Variants in FRMD5 observed in about 807,000 individuals in gnomAD.
The protein encoded by FRMD5 is FERM domain-containing protein 5.
Under a neutral mutation model 69.0 loss-of-function variants are expected in FRMD5, and 20 were observed. The observed-to-expected ratio is 0.29, with a 90% CI of 0.20 to 0.42. The LOEUF is 0.42. Ranked by LOEUF, FRMD5 falls within the 10% of genes least tolerant of loss-of-function variation. The pLI is 1.00. For synonymous variants in FRMD5, 271 were observed against 260.1 expected (o/e 1.04, Z -0.40); for missense variants, 595 against 708.6 (o/e 0.84, Z 1.82).
intron 13 of FRMD5, among the ~76,000 whole-genome samples, chr15:43,874,803 G>T (rs2088282026): frequency 6.6e-6 from 1 of 152,106 alleles, no homozygotes; most frequent in Non-Finnish European, 1.5e-5. Flanking sequence ...GGTGGGCTGA[G>T]GCAGGAGAAT....
At chr15:43,999,031 C>G (rs192729597) in intron 1 of FRMD5, among the ~76,000 whole-genome samples, 158 of 152,262 alleles carry the variant, frequency 1.0e-3, no homozygotes, top group Non-Finnish European at 1.8e-3. Context: ...CATTCCTCAG[C>G]TGTTAACACT....
At chr15:43,983,262 CCTTCT>C (rs1336991360) in intron 1 of FRMD5, among the ~76,000 whole-genome samples, 12 of 152,130 alleles carry the variant, frequency 7.9e-5, no homozygotes, top group African/African-American at 2.4e-4. Flanking sequence ...ATACTCTTTC[CCTTCT>C]CTTTACTCTG....
chr15:43,958,690 G>C (rs1390005357), intron 1 of FRMD5, among the ~76,000 whole-genome samples: 3 of 152,136 alleles, frequency 2.0e-5, no homozygotes, highest in African/African-American at 7.2e-5. Flanking sequence ...CACCTCCGCT[G>C]GGAGACCTTG....
intron 1 of FRMD5, among the ~76,000 whole-genome samples, chr15:43,992,679 G>A (rs1229616022): frequency 6.6e-6 from 1 of 151,844 alleles, no homozygotes; most frequent in East Asian, 1.9e-4. Flanking sequence ...CACCCGGCTG[G>A]ACTGGAGTTT....
intron 1 of FRMD5, among the ~76,000 whole-genome samples, chr15:43,987,566 T>C (rs1366084368): frequency 6.6e-6 from 1 of 152,094 alleles, no homozygotes; most frequent in Non-Finnish European, 1.5e-5. Context: ...ACTTTTTTTG[T>C]TTTTTTGAGA....
Position 43,883,708 on chromosome 15 carries a change from A to G in FRMD5, c.1130T>C (p.Met377Thr). 1 of 1,606,058 alleles carries G rather than the reference A, an allele frequency of 6.2e-7. No individual in the cohort carries two copies. The highest frequency in any genetic ancestry group is 8.5e-7 in the Non-Finnish European group (1 of 1,175,752). The change falls in exon 13 of 14, where the codon ATG becomes ACG. Residue 377 changes from methionine (M) to threonine (T), a missense_variant. This residue lies in a region of FRMD5 where 176 missense variants were observed against 266.3 expected (regional missense o/e 0.66). Coordinates refer to ENST00000417257, the MANE Select transcript of FRMD5 (RefSeq NM_032892.5). ...TRRRAVHISI[M>T]EGLESLRDSA... ...CTCAAGAAGCTCATGCTCACCTTCC[A>G]TGATGGAGATGTGAACAGCTCTTCT...
At chr15:44,157,544 C>T (rs1296254894) in intron 1 of FRMD5, among the ~76,000 whole-genome samples, 10 of 152,150 alleles carry the variant, frequency 6.6e-5, no homozygotes, top group Non-Finnish European at 2.9e-5. Flanking sequence ...GTAAATCACA[C>T]TATCAAGCAA....
At chr15:43,973,053 C>T (rs1013551106) in intron 1 of FRMD5, among the ~76,000 whole-genome samples, 7 of 151,944 alleles carry the variant, frequency 4.6e-5, no homozygotes, top group African/African-American at 1.2e-4. Flanking sequence ...GACGGAGTCT[C>T]GCTCTGTCCT....
intron 1 of FRMD5, among the ~76,000 whole-genome samples, chr15:44,098,913 AT>A (rs1404514366): frequency 6.6e-6 from 1 of 152,232 alleles, no homozygotes; most frequent in African/African-American, 2.4e-5. Context: ...AAGATAATTG[AT>A]TTGCAAATGA....
chr15:44,068,433 C>T (rs576462733), intron 1 of FRMD5, among the ~76,000 whole-genome samples: 1 of 152,240 alleles, frequency 6.6e-6, no homozygotes, highest in South Asian at 2.1e-4. Flanking sequence ...AACATTAATA[C>T]ATGCTGCAGT....
At chr15:43,999,967 T>TATATGACATGA (rs55916455) in intron 1 of FRMD5, among the ~76,000 whole-genome samples, 1 of 42,024 alleles carries the variant, frequency 2.4e-5, no homozygotes, top group Non-Finnish European at 5.4e-5. Flanking sequence ...TATATATATA[T>TATATGACATGA]ATATATATAT....
At chr15:44,136,820 C>T (rs1446092404) in intron 1 of FRMD5, among the ~76,000 whole-genome samples, 1 of 152,026 alleles carries the variant, frequency 6.6e-6, no homozygotes, top group Admixed American at 6.5e-5. Context: ...AATTGAAAAA[C>T]AATATAAGTA....
chr15:43,970,195 C>T (rs1249887655), intron 1 of FRMD5, among the ~76,000 whole-genome samples: 1 of 152,164 alleles, frequency 6.6e-6, no homozygotes, highest in Non-Finnish European at 1.5e-5. Flanking sequence ...TTCTCAGAAA[C>T]ATCAGAAGAC....
intron 1 of FRMD5, among the ~76,000 whole-genome samples, chr15:44,158,001 T>C (rs989415050): frequency 3.9e-5 from 6 of 152,200 alleles, no homozygotes; most frequent in Admixed American, 3.3e-4. Context: ...GTGATAAAGA[T>C]TGACCTTTCT....
At chr15:44,140,870 G>A (rs2077261568) in intron 1 of FRMD5, among the ~76,000 whole-genome samples, 1 of 21,166 alleles carries the variant, frequency 4.7e-5, no homozygotes, top group Non-Finnish European at 1.4e-4. Context: ...GTGACAGAGT[G>A]AGACTGTCTC....
Position 43,997,428 on chromosome 15 carries a change from A to C in FRMD5, c.103-73119T>G, listed in dbSNP as rs187476606. On this transcript the variant is annotated intron_variant, in intron 1 of 13. Transcript: ENST00000417257. ...AAAAGAAATTCCCCATTCTGCAGTA[A>C]GGTTGCAAAGGATATATTCTTACCA... 7.9e-5 allele frequency among the ~76,000 whole-genome samples: 12 copies of C among 152,320 alleles called. No homozygotes were observed. In the East Asian group the frequency reaches 2.3e-3, roughly 29 times the overall value.
At position 43,898,708 on chromosome 15, in the gene FRMD5, T is replaced by C. The variant is rs552830485; in HGVS notation, c.639+3467A>G. 2.6e-5 allele frequency among the ~76,000 whole-genome samples: 4 copies of C among 152,348 alleles called. No homozygotes were observed. In the East Asian group the frequency reaches 7.7e-4, roughly 29 times the overall value. On this transcript the variant is annotated intron_variant, in intron 7 of 13. Transcript: ENST00000417257. ...CCAGGGAACAGATATAGCAATGGAC[T>C]GCCAGTGGTTTGCTTCATTCTCCTC...
chr15:43,955,534 G>T (rs1334226343), intron 1 of FRMD5, among the ~76,000 whole-genome samples: 2 of 152,208 alleles, frequency 1.3e-5, no homozygotes, highest in Non-Finnish European at 2.9e-5. Context: ...AGTGTGATTT[G>T]TATGCATGTA....
At chr15:44,190,644 T>C (rs963748694) in intron 1 of FRMD5, among the ~76,000 whole-genome samples, 2 of 152,136 alleles carry the variant, frequency 1.3e-5, no homozygotes, top group African/African-American at 4.8e-5. Flanking sequence ...CACACTAACA[T>C]ACTGTACTTC....
Sources: gnomAD v4.1 joint callset for allele counts (sites outside exome capture counted in the v4.1 genomes callset) on GRCh38, gnomAD v4.1.1 for gene constraint, gnomAD v4.1.1 regional missense constraint, MANE v1.5 for transcripts, NCBI Gene and HGNC (gene_info 2026-07-23, HGNC 2026-07-21) for gene names.